The following APOBEC3H variants were observed in gnomAD, a reference collection of about 807,000 sequenced individuals.
The protein encoded by APOBEC3H is DNA dC->dU-editing enzyme APOBEC-3H.
Under a neutral mutation model 21.2 loss-of-function variants are expected in APOBEC3H, and 8 were observed. The ratio of observed to expected loss-of-function variants is 0.38; its 90% CI spans 0.22 to 0.68. The LOEUF (loss-of-function observed/expected upper bound fraction) is 0.68. APOBEC3H is among the 30% of genes least tolerant of loss of function. APOBEC3H has a pLI of 0.52. For synonymous variants in APOBEC3H, 88 were observed against 91.0 expected, an observed-to-expected ratio of 0.97 and a Z score of 0.19; for missense variants, 229 against 228.1, an observed-to-expected ratio of 1.00 and a Z score of -0.03.
At chr22:39,098,596 A>G (rs892046043) in intron 1 of APOBEC3H, among the ~76,000 whole-genome samples, 3 of 152,188 alleles carry the variant, frequency 2.0e-5, no homozygotes, top group Non-Finnish European at 2.9e-5. Flanking sequence ...CTTATTTTTA[A>G]TGGGTTAGAG....
At position 39,101,961 on chromosome 22, in the gene APOBEC3H, G is replaced by T; in HGVS notation, c.462G>T (p.Pro154=). 1 of 1,613,722 alleles carries T rather than the reference G, an allele frequency of 6.2e-7. No individual in the cohort carries two copies. The highest frequency in any genetic ancestry group is 8.5e-7 in the Non-Finnish European group (1 of 1,179,902). Residue 154 remains proline, a synonymous_variant, in exon 4 of 5, where the codon CCG becomes CCT. Transcript: ENST00000442487. The part of the protein sequence containing the change: ...CWENFVDHEK[P]LSFNPYKMLE... ...AAAACTTTGTGGACCACGAGAAACCGCTTTCCTTCAACCCCTATAAGATGT... is the reference window on the plus strand; with the variant it reads ...AAAACTTTGTGGACCACGAGAAACCTCTTTCCTTCAACCCCTATAAGATGT...
In APOBEC3H at chr22:39,103,692, T is replaced by C. The variant is rs1003835554; in HGVS notation, c.547T>C (p.Ser183Pro). The C allele has an allele frequency of 1.2e-6, 2 of 1,614,008 alleles. No individual in the cohort carries two copies. The highest frequency in any genetic ancestry group is 2.7e-5 in the African/African-American group (2 of 74,930). ...IKRRLERIKQ[S>P] The stretch of plus-strand genomic sequence containing the variant: ...AACTTCTCTCTTTCCCTCTCAGCAG[T>C]CCTGAAGTGTGGATGTTTTAGAGAA... Residue 183 changes from serine to proline, a missense_variant, in exon 5 of 5, where the codon TCC (serine) becomes CCC (proline). Ser to Pro is a moderately conservative substitution (Grantham distance 74). Coordinates refer to ENST00000442487, the MANE Select transcript of APOBEC3H (RefSeq NM_181773.5).
chr22:39,098,104 C>G (rs757122821), intron 1 of APOBEC3H, among the ~76,000 whole-genome samples: 1 of 152,232 alleles, frequency 6.6e-6, no homozygotes, highest in Non-Finnish European at 1.5e-5. Flanking sequence ...GTTACCCCAC[C>G]TCTCTGCACC....
chr22:39,099,229 G>A (rs538090520), intron 1 of APOBEC3H, among the ~76,000 whole-genome samples: 29 of 152,110 alleles, frequency 1.9e-4, no homozygotes, highest in African/African-American at 7.0e-4. Context: ...CAAAAAAAAA[G>A]CAAAATCCAA....
Position 39,100,145 on chromosome 22 carries a change from C to G in APOBEC3H, c.-7-127C>G, listed in dbSNP as rs1228517832. On this transcript the variant is annotated intron_variant, in intron 1 of 4. Coordinates refer to ENST00000442487, the MANE Select transcript of APOBEC3H (RefSeq NM_181773.5). ...CCAAGATCGGGCCACTGCACTCCAG[C>G]CTGGGCGACAGAGCGAGACTCTGTC... is the stretch of plus-strand genomic sequence containing the variant. 4.9e-6 allele frequency: 5 copies of G among 1,030,648 alleles called. No homozygotes were observed. The African/African-American group carries it at 6.4e-5, about 13-fold the overall frequency. The allele number at this position is 1,030,648 out of a possible 1,614,324, so 63.8% of individuals were successfully genotyped here. A position where few individuals can be genotyped will look rare whatever the true frequency, so the allele number is the denominator to read the frequency against.
chr22:39,100,410 A>G lies in APOBEC3H; in HGVS notation c.132A>G (p.Arg44=), dbSNP rs376048091. 184 of 1,613,568 alleles carry G rather than the reference A, an allele frequency of 1.1e-4. No individual in the cohort carries two copies. Among genetic ancestry groups the G allele is most frequent in the Non-Finnish European group, 1.4e-4 (169 of 1,179,772 alleles). The change falls in exon 2 of 5, where the codon AGA becomes AGG. Residue 44 remains arginine, a synonymous_variant. Transcript: ENST00000442487. ...CGCAGAATGGCTCCACGCCCACGAG[A>G]GGCTACTTTGAAAACAAGGTGCCAC... ...LTPQNGSTPT[R]GYFENKKKCH...
At chr22:39,100,162 G>A (rs1165289943) in intron 1 of APOBEC3H, 110 bp from the exon 2 acceptor site, 3 of 1,207,034 alleles carry the variant, frequency 2.5e-6, no homozygotes, top group African/African-American at 3.0e-5. Context: ...GACAGAGCGA[G>A]ACTCTGTCTC....
Position 39,101,206 on chromosome 22 carries a change from C to T in APOBEC3H, c.151-31C>T, listed in dbSNP as rs745416513. 6.3e-6 allele frequency: 10 copies of T among 1,591,788 alleles called. No homozygotes were observed. In the Admixed American group the frequency reaches 1.2e-4, roughly 19 times the overall value. ...TGACTCCTGGCCTCTCTCTTCTCCC[C>T]TCCCTTCTCTCTGTTTGGGACCCTC... On this transcript the variant is annotated intron_variant, in intron 2 of 4. Coordinates refer to ENST00000442487, the MANE Select transcript of APOBEC3H (RefSeq NM_181773.5).
At position 39,099,386 on chromosome 22, in the gene APOBEC3H, C is replaced by T. The variant is rs113884900; in HGVS notation, c.-7-886C>T. On this transcript the variant is annotated intron_variant, in intron 1 of 4. Transcript: ENST00000442487. Reference sequence around the variant, plus strand: ...GTTCTGTGCAGACAAACTTGTCAAACACACACCTGAGCAAAGAGCACAGTG... The same window carrying T: ...GTTCTGTGCAGACAAACTTGTCAAATACACACCTGAGCAAAGAGCACAGTG... 5.9e-5 allele frequency among the ~76,000 whole-genome samples: 9 copies of T among 152,186 alleles called. 1 individual carries two copies. Among genetic ancestry groups the T allele is most frequent in the African/African-American group, 2.2e-4 (9 of 41,432 alleles).
chr22:39,101,989 G>A lies in APOBEC3H; in HGVS notation c.490G>A (p.Glu164Lys), dbSNP rs773686246. 2.5e-6 allele frequency: 4 copies of A among 1,613,782 alleles called. No homozygotes were observed. Among genetic ancestry groups the A allele is most frequent in the Admixed American group, 1.7e-5 (1 of 59,974 alleles). Residue 164 changes from glutamate to lysine, a missense_variant, in exon 4 of 5, where the codon GAG (glutamate) becomes AAG (lysine). Transcript: ENST00000442487. The part of the protein sequence containing the change: ...PLSFNPYKML[E>K]ELDKNSRAIK... ...TTCCTTCAACCCCTATAAGATGTTA[G>A]AGGAGCTAGATAAAAACAGTCGAGC...
chr22:39,102,536 C>T (rs1373289032), intron 4 of APOBEC3H: 3 of 718,440 alleles, frequency 4.2e-6, no homozygotes, highest in East Asian at 2.7e-5. Flanking sequence ...TGCGCAGGGT[C>T]GTTACATGGA....
At chr22:39,099,476 T>A (rs958980657) in intron 1 of APOBEC3H, among the ~76,000 whole-genome samples, 1 of 151,782 alleles carries the variant, frequency 6.6e-6, no homozygotes, top group Non-Finnish European at 1.5e-5. Flanking sequence ...ATTGGACATG[T>A]AGGGGTCGAG....
chr22:39,100,231 A>G, intron 1 of APOBEC3H, 41 bp from the exon 2 acceptor site: 1 of 1,594,302 alleles, frequency 6.3e-7, no homozygotes, highest in Non-Finnish European at 8.6e-7. Context: ...ACTCAAGAGG[A>G]CGCTCCCTTC....
chr22:39,101,289 T>G lies in APOBEC3H; in HGVS notation c.203T>G (p.Leu68Arg). 6.2e-7 allele frequency: 1 copy of G among 1,613,626 alleles called. No homozygotes were observed. The stretch of plus-strand genomic sequence containing the variant: ...ATTAACGAGATCAAGTCCATGGGAC[T>G]GGACGAAACGCAGTGCTACCAAGTC... ...CFINEIKSMG[L>R]DETQCYQVTC... Residue 68 changes from leucine (L) to arginine (R), a missense_variant, in exon 3 of 5, where the codon CTG (leucine) becomes CGG (arginine). Leu to Arg is a moderately radical substitution (Grantham distance 102, BLOSUM62 -2). Coordinates refer to ENST00000442487, the MANE Select transcript of APOBEC3H (RefSeq NM_181773.5).
intron 2 of APOBEC3H, among the ~76,000 whole-genome samples, chr22:39,100,690 C>T (rs1929261734): frequency 1.3e-5 from 2 of 152,144 alleles, no homozygotes; most frequent in Non-Finnish European, 2.9e-5. Flanking sequence ...CTGCCCCTCT[C>T]ATTTACTCAT....
At position 39,101,458 on chromosome 22, in the gene APOBEC3H, G is replaced by A. The variant is rs1312545620; in HGVS notation, c.372G>A (p.Arg124=). ...GCAAGCCCCAGCAGAAGGGGCTGCG[G>A]CTTCTGTGTGGATCCCAGGTCCCGG... The part of the protein sequence containing the change: ...HWCKPQQKGL[R]LLCGSQVPVE... Residue 124 remains arginine, a synonymous_variant, in exon 3 of 5, where the codon CGG becomes CGA. Transcript: ENST00000442487. The A allele has an allele frequency of 6.2e-7, 1 of 1,611,244 alleles. No homozygotes were observed. The highest frequency in any genetic ancestry group is 1.3e-5 in the African/African-American group (1 of 74,202).
Position 39,100,383 on chromosome 22 carries a change from GC to G in APOBEC3H, c.107del (p.Pro36ArgfsTer67). 6.2e-7 allele frequency: 1 copy of G among 1,614,146 alleles called. No individual in the cohort carries two copies. The highest frequency in any genetic ancestry group is 1.1e-5 in the South Asian group (1 of 91,088). ...RKALLCYQLT[P>X]QNGSTPTRGY... ...AGGCCCTCTTGTGTTACCAGCTGACGCCGCAGAATGGCTCCACGCCCACGAG... is the reference window on the plus strand; with the variant it reads ...AGGCCCTCTTGTGTTACCAGCTGACGCGCAGAATGGCTCCACGCCCACGAG... On this transcript the variant is annotated frameshift_variant, in exon 2 of 5. Transcript: ENST00000442487. LOFTEE classifies it high-confidence loss of function.
intron 2 of APOBEC3H, 196 bp downstream of exon 2, chr22:39,100,624 A>T: frequency 1.5e-6 from 1 of 660,644 alleles, no homozygotes. Context: ...GGACACTCCC[A>T]TTCTTTCCCG....
intron 3 of APOBEC3H, 139 bp from the exon 4 acceptor site, chr22:39,101,779 G>A: frequency 1.5e-6 from 2 of 1,375,074 alleles, no homozygotes; most frequent in Non-Finnish European, 2.0e-6. Context: ...CCCAAGATCT[G>A]ACACCACCCG....
Sources: gnomAD v4.1 joint callset for allele counts (sites outside exome capture counted in the v4.1 genomes callset) on GRCh38, gnomAD v4.1.1 for gene constraint, MANE v1.5 for transcripts, NCBI Gene and HGNC (gene_info 2026-07-23, HGNC 2026-07-21) for gene names.